Variants in ENOX1 observed in about 807,000 individuals in gnomAD.
ENOX1 encodes ecto-NOX disulfide-thiol exchanger 1.
ENOX1 carries 42 observed loss-of-function variants against 82.5 expected under a neutral mutation model. The ratio of observed to expected loss-of-function variants is 0.51; its 90% CI spans 0.40 to 0.66. The LOEUF (loss-of-function observed/expected upper bound fraction) is 0.66. Ranked by LOEUF, ENOX1 falls within the 30% of genes least tolerant of loss-of-function variation. ENOX1 has a pLI of 0.00. For synonymous variants in ENOX1, 271 were observed against 282.2 expected (o/e 0.96, Z 0.40); for missense variants, 608 against 811.6 (o/e 0.75, Z 3.05).
At chr13:43,653,863 T>C (rs2084307451) in intron 2 of ENOX1, among the ~76,000 whole-genome samples, 1 of 152,056 alleles carries the variant, frequency 6.6e-6, no homozygotes, top group African/African-American at 2.4e-5. Flanking sequence ...ATCTAACAAT[T>C]TGACAGAAAA....
At chr13:43,694,629 G>T (rs1015585996) in intron 1 of ENOX1, among the ~76,000 whole-genome samples, 1 of 152,186 alleles carries the variant, frequency 6.6e-6, no homozygotes, top group African/African-American at 2.4e-5. Context: ...GATACTTGAA[G>T]ATTGCTGTCA....
At chr13:43,387,128 C>T (rs2052463620) in intron 5 of ENOX1, among the ~76,000 whole-genome samples, 1 of 152,186 alleles carries the variant, frequency 6.6e-6, no homozygotes, top group African/African-American at 2.4e-5. Context: ...ACAGGACAGA[C>T]TTGCTTCTTA....
intron 12 of ENOX1, among the ~76,000 whole-genome samples, chr13:43,281,095 G>A (rs2045352780): frequency 1.3e-5 from 2 of 152,252 alleles, no homozygotes; most frequent in South Asian, 4.2e-4. Context: ...GCATTAGACA[G>A]GAACAGTTTC....
intron 12 of ENOX1, among the ~76,000 whole-genome samples, chr13:43,287,666 G>A (rs1218346533): frequency 1.3e-5 from 2 of 152,106 alleles, no homozygotes; most frequent in East Asian, 3.9e-4. Context: ...CAGTGAAGAC[G>A]GCAAGATACT....
chr13:43,702,995 C>T (rs572652632), intron 1 of ENOX1, among the ~76,000 whole-genome samples: 1 of 141,978 alleles, frequency 7.0e-6, no homozygotes, highest in Admixed American at 7.1e-5. Flanking sequence ...TTTGAGGAAG[C>T]CCTTTTGCCC....
chr13:43,646,326 T>G (rs944966763), intron 2 of ENOX1, among the ~76,000 whole-genome samples: 1 of 152,200 alleles, frequency 6.6e-6, no homozygotes, highest in Non-Finnish European at 1.5e-5. Flanking sequence ...TCTTGACAGC[T>G]CTATATGATT....
intron 3 of ENOX1, among the ~76,000 whole-genome samples, chr13:43,427,197 C>T (rs534693525): frequency 6.6e-5 from 10 of 152,156 alleles, no homozygotes; most frequent in South Asian, 2.1e-4. Flanking sequence ...AATGCCATTC[C>T]GTTACTCCTT....
rs528124539 is a variant in ENOX1 at position 43,605,771 on chromosome 13, A to C, written c.-219+61708T>G. ...GCAAAGACTTCTTGAGTAATACCCT[A>C]TAAGCACAGGCAACCAAAGCAAAAA... On this transcript the variant is annotated intron_variant, in intron 2 of 16. Transcript: ENST00000690772. Among the ~76,000 whole-genome samples the C allele has an allele frequency of 2.6e-5, 4 of 152,326 alleles. No individual in the cohort carries two copies. The South Asian group carries it at 8.3e-4, about 32-fold the overall frequency.
At chr13:43,553,701 GT>G (rs398056333) in intron 2 of ENOX1, among the ~76,000 whole-genome samples, 1 of 149,102 alleles carries the variant, frequency 6.7e-6, no homozygotes, top group Admixed American at 6.7e-5. Flanking sequence ...GACTGTTGTT[GT>G]TCTCCATTCT....
rs1232954771 is a variant in ENOX1, at chr13:43,604,742, T to C, written c.-219+62737A>G. Among the ~76,000 whole-genome samples, 6 of 152,148 alleles carry C rather than the reference T, an allele frequency of 3.9e-5. 1 individual carries two copies. The highest frequency in any genetic ancestry group is 2.6e-4 in the Admixed American group (4 of 15,264). On this transcript the variant is annotated intron_variant, in intron 2 of 16. Transcript: ENST00000690772. ...ACATCAATGCCCACTTTCACCACTG[T>C]TATTCAACACAACTGGAAGTCCTAG... is the stretch of plus-strand genomic sequence containing the variant.
chr13:43,551,693 C>G (rs752004892), intron 2 of ENOX1, among the ~76,000 whole-genome samples: 1 of 152,096 alleles, frequency 6.6e-6, no homozygotes, highest in African/African-American at 2.4e-5. Context: ...AAATTTCACC[C>G]GATCATGATG....
chr13:43,511,003 C>G (rs1463681994), intron 2 of ENOX1, among the ~76,000 whole-genome samples: 5 of 152,070 alleles, frequency 3.3e-5, no homozygotes, highest in African/African-American at 7.2e-5. Flanking sequence ...ATGCCACGTG[C>G]AAGTTTAAGG....
At chr13:43,356,791 A>G (rs139694159) in intron 7 of ENOX1, among the ~76,000 whole-genome samples, 81 of 152,080 alleles carry the variant, frequency 5.3e-4, no homozygotes, top group African/African-American at 1.9e-3. Context: ...GCGCAGGAGA[A>G]TATTTTACCT....
chr13:43,747,823 G>T (rs1370808155), intron 1 of ENOX1, among the ~76,000 whole-genome samples: 1 of 152,154 alleles, frequency 6.6e-6, no homozygotes, highest in Non-Finnish European at 1.5e-5. Context: ...ATCCCAAAGG[G>T]ATCCATGGAT....
At chr13:43,426,164 C>T (rs769252723) in intron 3 of ENOX1, among the ~76,000 whole-genome samples, 43 of 152,036 alleles carry the variant, frequency 2.8e-4, no homozygotes, top group Non-Finnish European at 5.1e-4. Flanking sequence ...AGTTCAGGAT[C>T]GAATGCCATT....
intron 1 of ENOX1, among the ~76,000 whole-genome samples, chr13:43,698,180 A>T (rs1407406962): frequency 1.3e-5 from 2 of 152,206 alleles, no homozygotes; most frequent in African/African-American, 4.8e-5. Flanking sequence ...TTTTCACCTA[A>T]AATTTTACTT....
chr13:43,515,074 G>T (rs185245163), intron 2 of ENOX1, among the ~76,000 whole-genome samples: 12 of 152,236 alleles, frequency 7.9e-5, no homozygotes, highest in Admixed American at 4.6e-4. Context: ...CCCACAGAAA[G>T]AAATGGATGC....
intron 2 of ENOX1, among the ~76,000 whole-genome samples, chr13:43,630,767 A>G (rs2083170156): frequency 6.6e-6 from 1 of 151,974 alleles, no homozygotes; most frequent in Non-Finnish European, 1.5e-5. Flanking sequence ...CTAGCTATAA[A>G]TTACTGTAAA....
chr13:43,305,942 C>T (rs2046834745), intron 11 of ENOX1, among the ~76,000 whole-genome samples: 1 of 152,172 alleles, frequency 6.6e-6, no homozygotes. Context: ...GGCAGGGAAG[C>T]AGAGCTCTCA....
Sources: allele counts gnomAD v4.1 joint callset (sites outside exome capture counted in the v4.1 genomes callset), GRCh38; gene constraint gnomAD v4.1.1; transcripts MANE v1.5; gene names NCBI Gene and HGNC (gene_info 2026-07-23, HGNC 2026-07-21).